The following FGF14 variants were observed in gnomAD, a reference collection of about 807,000 sequenced individuals.
The protein encoded by FGF14 is fibroblast growth factor homologous factor 4.
In FGF14, 5 loss-of-function variants were observed where a neutral mutation model predicts 25.5. That is an observed-to-expected ratio of 0.20 (90% CI 0.10 to 0.41). FGF14 has a LOEUF of 0.41. Ranked by LOEUF, FGF14 falls within the 10% of genes least tolerant of loss-of-function variation. FGF14 has a pLI of 1.00. For missense variants in FGF14, 222 were observed against 320.1 expected, an observed-to-expected ratio of 0.69 and a Z score of 2.34; for synonymous variants, 138 against 118.3, an observed-to-expected ratio of 1.17 and a Z score of -1.08.
intron 1 of FGF14, among the ~76,000 whole-genome samples, chr13:102,306,153 T>C (rs1191175058): frequency 6.6e-6 from 1 of 152,156 alleles, no homozygotes. Context: ...GGCCCCAAGT[T>C]TTGCATCCTG....
intron 1 of FGF14, among the ~76,000 whole-genome samples, chr13:102,015,838 C>A (rs16959608): frequency 0.032 from 4,882 of 152,230 alleles, 254 homozygotes; most frequent in African/African-American, 0.11. Flanking sequence ...ATTTCTCTCC[C>A]TGGATATAGT....
At chr13:102,364,103 T>G (rs2057642533) in intron 1 of FGF14, among the ~76,000 whole-genome samples, 1 of 152,238 alleles carries the variant, frequency 6.6e-6, no homozygotes, top group Non-Finnish European at 1.5e-5. Context: ...GCTACTTTTT[T>G]ATTATAAGGA....
chr13:101,722,176 C>A lies in FGF14; in HGVS notation c.*655G>T, dbSNP rs1044624311. ...GACAGAGCGTATATGTGTGTTTAAT[C>A]GATAGTGTGAGCCAGAGACAACAAT... is the stretch of plus-strand genomic sequence containing the variant. On this transcript the variant is annotated 3_prime_UTR_variant, in exon 5 of 5. Transcript: ENST00000376143. 6.0e-6 allele frequency: 1 copy of A among 165,926 alleles called. No homozygotes were observed. The highest frequency in any genetic ancestry group is 2.4e-5 in the African/African-American group (1 of 41,488). 10.3% of individuals were successfully genotyped at this position (165,926 alleles called of 1,614,324 possible). A position where few individuals can be genotyped will look rare whatever the true frequency, so the allele number is the denominator to read the frequency against.
chr13:101,787,456 A>G (rs2039904925), intron 3 of FGF14, among the ~76,000 whole-genome samples: 1 of 152,038 alleles, frequency 6.6e-6, no homozygotes, highest in Admixed American at 6.6e-5. Flanking sequence ...TGTTCCTTAT[A>G]CTGTATTTTA....
intron 1 of FGF14, among the ~76,000 whole-genome samples, chr13:102,072,691 C>A (rs1434107616): frequency 6.6e-6 from 1 of 152,166 alleles, no homozygotes; most frequent in Non-Finnish European, 1.5e-5. Context: ...GACTATTTTA[C>A]ATAAGAAAGG....
intron 3 of FGF14, among the ~76,000 whole-genome samples, chr13:101,816,828 T>C (rs2041869436): frequency 6.6e-6 from 1 of 152,134 alleles, no homozygotes; most frequent in South Asian, 2.1e-4. Context: ...TTAAAATAAT[T>C]ATCACTTTAT....
intron 1 of FGF14, among the ~76,000 whole-genome samples, chr13:102,341,288 TAA>T (rs1034935353): frequency 6.6e-6 from 1 of 152,216 alleles, no homozygotes; most frequent in African/African-American, 2.4e-5. Context: ...TTTATGCAAA[TAA>T]AAAAGAAAGA....
chr13:101,943,826 A>AAATATATATATATATATATATATACACAC (rs1555324449), intron 1 of FGF14, among the ~76,000 whole-genome samples: 45 of 126,794 alleles, frequency 3.5e-4, no homozygotes, highest in African/African-American at 1.5e-3. Context: ...AAAAAAAAAA[A>AAATATATATATATATATATATATACACAC]ATATATATAT....
At chr13:102,359,246 G>A (rs1405189235) in intron 1 of FGF14, among the ~76,000 whole-genome samples, 1 of 152,126 alleles carries the variant, frequency 6.6e-6, no homozygotes, top group Non-Finnish European at 1.5e-5. Flanking sequence ...TGGGTTGATA[G>A]ATGCAGCAAA....
intron 1 of FGF14, among the ~76,000 whole-genome samples, chr13:101,941,863 A>C (rs879154547): frequency 6.6e-6 from 1 of 152,172 alleles, no homozygotes; most frequent in African/African-American, 2.4e-5. Flanking sequence ...AATTGTTTTA[A>C]ATGATGACAA....
At position 101,793,177 on chromosome 13, in the gene FGF14, T is replaced by C. The variant is rs115799200; in HGVS notation, c.409-66367A>G. ...CTTTGATTATCATTTCCCCATTCCT[T>C]CCACCCCCCAGCCTCTGGTAACCAC... On this transcript the variant is annotated intron_variant, in intron 3 of 4. Coordinates refer to ENST00000376143, the MANE Select transcript of FGF14 (RefSeq NM_004115.4). Among the ~76,000 whole-genome samples the C allele has an allele frequency of 3.7e-3, 564 of 152,196 alleles. 3 individuals are homozygous for C. Among genetic ancestry groups the C allele is most frequent in the African/African-American group, 0.012 (515 of 41,558 alleles).
intron 1 of FGF14, chr13:101,967,809 T>G (rs2037311758): frequency 6.5e-6 from 1 of 153,998 alleles, no homozygotes; most frequent in South Asian, 2.0e-4. Context: ...CAAAACCTAT[T>G]GCATGGCTTA....
intron 1 of FGF14, among the ~76,000 whole-genome samples, chr13:101,970,688 G>A (rs1001287): frequency 0.012 from 1,765 of 152,240 alleles, 40 homozygotes; most frequent in African/African-American, 0.041. Flanking sequence ...GCCTTCCTTG[G>A]AATCTAAATT....
chr13:102,225,794 A>C (rs1197830377), intron 1 of FGF14, among the ~76,000 whole-genome samples: 1 of 152,214 alleles, frequency 6.6e-6, no homozygotes, highest in Non-Finnish European at 1.5e-5. Context: ...AGCAATTAAC[A>C]TTTAGGTAAT....
rs181077476 is a variant in FGF14, at chr13:102,164,526, G to A, written c.208+236945C>T. ...TGGATGGTTTCCCACAGGGTGGAAT[G>A]AGAATAGAGAAAAATGAAACAGGCA... On this transcript the variant is annotated intron_variant, in intron 1 of 4. Transcript: ENST00000376131. Among the ~76,000 whole-genome samples the A allele has an allele frequency of 4.6e-3, 697 of 152,274 alleles. 8 individuals are homozygous for A. The highest frequency in any genetic ancestry group is 0.015 in the African/African-American group (621 of 41,564).
intron 1 of FGF14, among the ~76,000 whole-genome samples, chr13:102,000,302 G>C (rs1345580648): frequency 6.6e-6 from 1 of 152,146 alleles, no homozygotes; most frequent in African/African-American, 2.4e-5. Flanking sequence ...CTGGGCGACA[G>C]AGCAAGACTC....
rs1227825117 is a variant in FGF14 at position 102,161,564 on chromosome 13, GTGAAGAA to G, written c.208+239900_208+239906del. 1.0e-3 allele frequency among the ~76,000 whole-genome samples: 9 copies of G among 8,702 alleles called. 1 individual carries two copies. The highest frequency in any genetic ancestry group is 0.013 in the South Asian group (2 of 156). The allele number at this position is 8,702 out of a possible 152,430, so 5.7% of individuals were successfully genotyped here. A position where few individuals can be genotyped will look rare whatever the true frequency, so the allele number is the denominator to read the frequency against. ...ATATTCTCTATGCAACCAACTTTCT[GTGAAGAA>G]AGAAAGAAGAAGAAGAAGAAGAAGA... On this transcript the variant is annotated intron_variant, in intron 1 of 4. Coordinates refer to the FGF14 transcript ENST00000376131.
At chr13:102,324,540 T>A (rs2056359178) in intron 1 of FGF14, among the ~76,000 whole-genome samples, 1 of 152,194 alleles carries the variant, frequency 6.6e-6, no homozygotes, top group African/African-American at 2.4e-5. Context: ...TTAATGCTAG[T>A]GGTCCTTGTC....
At chr13:102,311,612 G>C (rs1175641786) in intron 1 of FGF14, among the ~76,000 whole-genome samples, 1 of 152,118 alleles carries the variant, frequency 6.6e-6, no homozygotes, top group Non-Finnish European at 1.5e-5. Flanking sequence ...AAGGAGAGAG[G>C]AGGAGAAAGT....
Sources: gnomAD v4.1 joint callset for allele counts (sites outside exome capture counted in the v4.1 genomes callset) on GRCh38, gnomAD v4.1.1 for gene constraint, MANE v1.5 for transcripts, NCBI Gene and HGNC (gene_info 2026-07-23, HGNC 2026-07-21) for gene names.